LOC400499: variants seen among roughly 807,000 people sequenced by gnomAD.
At chr16:11,519,944 C>A in the LOC400499 span, among the ~76,000 whole-genome samples, 1 of 152,062 alleles carries the variant, frequency 6.6e-6, no homozygotes. Flanking sequence ...CTCAGGTGAT[C>A]CACCCGCCTC....
chr16:11,418,436 A>C, the LOC400499 span, among the ~76,000 whole-genome samples: 1 of 152,218 alleles, frequency 6.6e-6, no homozygotes, highest in Non-Finnish European at 1.5e-5. Context: ...CAAGAAGGTG[A>C]CAAGAGTGAC....
chr16:11,386,294 G>A, the LOC400499 span, among the ~76,000 whole-genome samples: 1 of 152,182 alleles, frequency 6.6e-6, no homozygotes, highest in Admixed American at 6.5e-5. Context: ...CACCATCTAT[G>A]GTGCACAGCC....
At chr16:11,396,567 G>C in the LOC400499 span, 1 of 1,232,116 alleles carries the variant, frequency 8.1e-7, no homozygotes, top group African/African-American at 1.6e-5. Flanking sequence ...TGGAGGGTCA[G>C]GCTGAGATGC....
the LOC400499 span, chr16:11,384,767 G>C: frequency 3.4e-6 from 3 of 886,252 alleles, no homozygotes; most frequent in Admixed American, 4.3e-5. Context: ...TGCCATGCTA[G>C]AGACGAGGCC....
chr16:11,493,548 GATGA>G, the LOC400499 span: 1 of 391,572 alleles, frequency 2.6e-6, no homozygotes, highest in Non-Finnish European at 4.5e-6. Flanking sequence ...TTAAATACAT[GATGA>G]ATGAACAACT....
At chr16:11,494,459 G>A in the LOC400499 span, 51 of 393,860 alleles carry the variant, frequency 1.3e-4, no homozygotes, top group Non-Finnish European at 2.0e-4. Context: ...TGAGGGATAG[G>A]AGGAAGGGGC....
chr16:11,440,512 C>A, the LOC400499 span, among the ~76,000 whole-genome samples: 1 of 152,228 alleles, frequency 6.6e-6, no homozygotes, highest in South Asian at 2.1e-4. Flanking sequence ...CACATGAACA[C>A]TGGCCTTTCA....
the LOC400499 span, chr16:11,414,672 CCT>C: frequency 2.5e-6 from 1 of 397,572 alleles, no homozygotes; most frequent in Non-Finnish European, 4.4e-6. Context: ...GGGGTCAACC[CCT>C]TTGAGCCTCC....
the LOC400499 span, among the ~76,000 whole-genome samples, chr16:11,501,496 A>C: frequency 6.6e-6 from 1 of 152,102 alleles, no homozygotes; most frequent in Admixed American, 6.5e-5. Flanking sequence ...AGCTGGGACC[A>C]CAAGTGTTCG....
the LOC400499 span, among the ~76,000 whole-genome samples, chr16:11,408,777 G>C: frequency 2.0e-5 from 3 of 152,024 alleles, no homozygotes; most frequent in African/African-American, 7.2e-5. Flanking sequence ...CTTTTCTGAA[G>C]GTGGTTAATG....
the LOC400499 span, among the ~76,000 whole-genome samples, chr16:11,413,282 T>C: frequency 6.6e-6 from 1 of 152,100 alleles, no homozygotes; most frequent in Non-Finnish European, 1.5e-5. Flanking sequence ...GCACAGGGTA[T>C]CCAGTCCACT....
At chr16:11,424,942 T>C in the LOC400499 span, among the ~76,000 whole-genome samples, 2 of 152,120 alleles carry the variant, frequency 1.3e-5, no homozygotes, top group Non-Finnish European at 2.9e-5. Flanking sequence ...GCCCTGAAGC[T>C]GCATGTTCTG....
At chr16:11,389,685 C>CAAAAAAA in the LOC400499 span, among the ~76,000 whole-genome samples, 3 of 58,972 alleles carry the variant, frequency 5.1e-5, no homozygotes, top group African/African-American at 6.9e-5. Flanking sequence ...AACTCCATCT[C>CAAAAAAA]AAAAAAAAAA....
chr16:11,385,430 G>C, the LOC400499 span: 1 of 1,232,076 alleles, frequency 8.1e-7, no homozygotes, highest in East Asian at 3.2e-5. Flanking sequence ...GGTAGAAGCA[G>C]CCCAAAGGCA....
the LOC400499 span, among the ~76,000 whole-genome samples, chr16:11,489,903 G>T: frequency 1.3e-5 from 2 of 152,172 alleles, no homozygotes; most frequent in African/African-American, 4.8e-5. Flanking sequence ...TAACTCAAGG[G>T]CCAAAGGTAG....
chr16:11,437,601 C>T, the LOC400499 span, among the ~76,000 whole-genome samples: 1 of 152,238 alleles, frequency 6.6e-6, no homozygotes, highest in South Asian at 2.1e-4. Context: ...GGCACAGCAG[C>T]TCACACCAGT....
At chr16:11,447,860 C>G in the LOC400499 span, 11 of 1,453,824 alleles carry the variant, frequency 7.6e-6, no homozygotes, top group Admixed American at 2.6e-4. Flanking sequence ...CCATCCTGTT[C>G]CCCCTGGGGA....
At chr16:11,509,591 G>A in the LOC400499 span, among the ~76,000 whole-genome samples, 5 of 151,648 alleles carry the variant, frequency 3.3e-5, no homozygotes, top group Non-Finnish European at 7.4e-5. Flanking sequence ...AGCACTTTGG[G>A]AGGCCAAGGT....
chr16:11,468,576 T>C, the LOC400499 span, among the ~76,000 whole-genome samples: 2 of 152,284 alleles, frequency 1.3e-5, no homozygotes, highest in African/African-American at 2.4e-5. Context: ...TCCTCCCAAC[T>C]TGGCCTCCCA....
Sources: gnomAD v4.1 joint callset for allele counts (sites outside exome capture counted in the v4.1 genomes callset) on GRCh38, gnomAD v4.1.1 for gene constraint, MANE v1.5 for transcripts.